ERO1B: variants seen among roughly 807,000 people sequenced by gnomAD.
ERO1B encodes endoplasmic reticulum oxidoreductase 1 beta.
ERO1B carries 49 observed loss-of-function variants against 75.3 expected under a neutral mutation model. That is an observed-to-expected ratio of 0.65 (90% confidence interval 0.52 to 0.83). ERO1B has a LOEUF of 0.83. ERO1B is among the 40% of genes least tolerant of loss of function. The pLI, the probability that ERO1B is intolerant of heterozygous loss-of-function variation, is 0.00. For missense variants in ERO1B, 512 were observed against 560.1 expected (o/e 0.91, Z 0.87); for synonymous variants, 191 against 192.9 (o/e 0.99, Z 0.08).
intron 1 of ERO1B, among the ~76,000 whole-genome samples, chr1:236,271,584 T>G (rs1372428524): frequency 1.3e-5 from 2 of 151,996 alleles, no homozygotes; most frequent in African/African-American, 4.8e-5. Flanking sequence ...AGACTTCAAA[T>G]CATAGCCCCT....
At chr1:236,247,048 CAAAG>C (rs1664901092) in intron 5 of ERO1B, among the ~76,000 whole-genome samples, 1 of 152,088 alleles carries the variant, frequency 6.6e-6, no homozygotes, top group Non-Finnish European at 1.5e-5. Flanking sequence ...AAAAAAATGA[CAAAG>C]AATATAAACT....
intron 7 of ERO1B, 41 bp downstream of exon 7, chr1:236,236,237 C>T: frequency 6.2e-7 from 1 of 1,611,448 alleles, no homozygotes. Context: ...TCTCCCGACC[C>T]TCTATCAGTC....
chr1:236,245,580 ATTT>A (rs71176472), intron 5 of ERO1B, among the ~76,000 whole-genome samples: 1 of 1,484 alleles, frequency 6.7e-4, no homozygotes, highest in African/African-American at 7.7e-4. Context: ...ATATATATAT[ATTT>A]TTTTTTTTTT....
Position 236,264,899 on chromosome 1 carries a change from C to A in ERO1B, c.222+4976G>T, listed in dbSNP as rs576877227. Among the ~76,000 whole-genome samples the A allele has an allele frequency of 9.2e-5, 14 of 152,046 alleles. No individual in the cohort carries two copies. In the East Asian group the frequency reaches 9.7e-4, roughly 10 times the overall value. ...GGGATGAGAAATTTCATAAGGGGTA[C>A]AATGCACACTATCCGGGCGATGGTT... On this transcript the variant is annotated intron_variant, in intron 2 of 15. Coordinates refer to ENST00000354619, the MANE Select transcript of ERO1B (RefSeq NM_019891.4).
intron 1 of ERO1B, among the ~76,000 whole-genome samples, chr1:236,277,330 GGA>G (rs1356523518): frequency 6.6e-6 from 1 of 151,986 alleles, no homozygotes. Flanking sequence ...CTTGAGCCTG[GGA>G]GACAGAGGTT....
chr1:236,230,429 T>A (rs183468238), intron 9 of ERO1B, among the ~76,000 whole-genome samples, 179 bp from the exon 10 acceptor site: 7 of 151,938 alleles, frequency 4.6e-5, no homozygotes, highest in Admixed American at 3.9e-4. Context: ...CTGGCCAACA[T>A]GGCGAAACCC....
At position 236,226,454 on chromosome 1, in the gene ERO1B, A is replaced by T; in HGVS notation, c.867T>A (p.Pro289=). The T allele has an allele frequency of 6.8e-6, 11 of 1,614,166 alleles. No individual in the cohort carries two copies. The highest frequency in any genetic ancestry group is 9.3e-6 in the Non-Finnish European group (11 of 1,180,020). Reference sequence around the variant, plus strand: ...TTGGACCTTCTCCCTTGGTTTCCACAGGGTCAAAGCGGTGTTTGAATTCTT... The same window carrying T: ...TTGGACCTTCTCCCTTGGTTTCCACTGGGTCAAAGCGGTGTTTGAATTCTT... ...NIKEFKHRFD[P]VETKGEGPRR... is the part of the protein sequence containing the mutation. Residue 289 remains proline, a synonymous_variant, in exon 12 of 16, where the codon CCT becomes CCA. Coordinates refer to ENST00000354619, the MANE Select transcript of ERO1B (RefSeq NM_019891.4).
intron 12 of ERO1B, among the ~76,000 whole-genome samples, chr1:236,225,691 T>C (rs1489684505): frequency 1.3e-5 from 2 of 152,188 alleles, no homozygotes; most frequent in Non-Finnish European, 2.9e-5. Flanking sequence ...TCCCAGCACT[T>C]TGGGAGGCAG....
chr1:236,226,187 G>A (rs1664272924), intron 12 of ERO1B, 82 bp downstream of exon 12: 4 of 1,396,130 alleles, frequency 2.9e-6, no homozygotes, highest in African/African-American at 1.4e-5. Context: ...TAACTTTTAG[G>A]AGTCAGTTTT....
intron 1 of ERO1B, among the ~76,000 whole-genome samples, chr1:236,279,491 C>T (rs1490441559): frequency 2.1e-5 from 2 of 94,948 alleles, no homozygotes; most frequent in East Asian, 2.4e-4. Flanking sequence ...TGACACAGAG[C>T]GAGACTCCAT....
At chr1:236,238,552 G>C (rs372184867) in intron 6 of ERO1B, among the ~76,000 whole-genome samples, 1 of 102,232 alleles carries the variant, frequency 9.8e-6, no homozygotes, top group Non-Finnish European at 2.2e-5. Context: ...AAAAAAAAAA[G>C]AAAGTATGGC....
chr1:236,221,936 C>G lies in ERO1B; in HGVS notation c.1197G>C (p.Trp399Cys). The change falls in exon 14 of 16, where the codon TGG becomes TGC. Residue 399 changes from tryptophan to cysteine, a missense_variant. Physicochemically the swap from Trp to Cys is radical, Grantham distance 215. Transcript: ENST00000354619. ...ACAACACATATACCTGTAATTTTCC[C>G]CATAATCTGCATTTGTCACATCCAA... ...DCVGCDKCRL[W>C]GKLQTQGLGT... 4 of 1,613,066 alleles carry G rather than the reference C, an allele frequency of 2.5e-6. No individual in the cohort carries two copies. Among genetic ancestry groups the G allele is most frequent in the Non-Finnish European group, 3.4e-6 (4 of 1,179,260 alleles).
intron 9 of ERO1B, among the ~76,000 whole-genome samples, chr1:236,232,533 C>T (rs1664432866): frequency 6.6e-6 from 1 of 152,132 alleles, no homozygotes; most frequent in African/African-American, 2.4e-5. Flanking sequence ...AACTCCTTCT[C>T]CCCACTTCCT....
At chr1:236,218,903 C>G (rs550040101) in intron 15 of ERO1B, among the ~76,000 whole-genome samples, 1 of 152,202 alleles carries the variant, frequency 6.6e-6, no homozygotes, top group Non-Finnish European at 1.5e-5. Flanking sequence ...GCTCTTTACT[C>G]AATGTTCCCC....
At chr1:236,277,421 A>T (rs926497246) in intron 1 of ERO1B, among the ~76,000 whole-genome samples, 2 of 152,090 alleles carry the variant, frequency 1.3e-5, no homozygotes, top group African/African-American at 4.8e-5. Context: ...AAAAAAAAAA[A>T]AGAATGGACT....
intron 2 of ERO1B, among the ~76,000 whole-genome samples, chr1:236,260,552 C>T (rs1665270554): frequency 6.6e-6 from 1 of 151,880 alleles, no homozygotes; most frequent in Non-Finnish European, 1.5e-5. Context: ...ATAATCCCAG[C>T]TACTCAACAG....
chr1:236,266,917 A>G (rs767801731), intron 2 of ERO1B, among the ~76,000 whole-genome samples: 9 of 152,178 alleles, frequency 5.9e-5, no homozygotes, highest in Non-Finnish European at 1.2e-4. Context: ...TTTAAACTGC[A>G]TGTGTAAGAG....
chr1:236,240,171 C>T (rs1005726833), intron 6 of ERO1B, among the ~76,000 whole-genome samples: 1 of 152,004 alleles, frequency 6.6e-6, no homozygotes. Flanking sequence ...TCCCAAAGTG[C>T]TGGGATTACA....
Position 236,220,709 on chromosome 1 carries a change from G to C in ERO1B, c.1343+123C>G, listed in dbSNP as rs73124997. On this transcript the variant is annotated intron_variant, in intron 15 of 15. Coordinates refer to ENST00000354619, the MANE Select transcript of ERO1B (RefSeq NM_019891.4). ...ATTAAGGCCTCTCTAAGTTAGTACA[G>C]ATACAATATAAAATTTTTTTTTGTC... 71 of 1,000,428 alleles carry C rather than the reference G, an allele frequency of 7.1e-5. No homozygotes were observed. In the African/African-American group the frequency reaches 1.2e-3, roughly 17 times the overall value. The allele number at this position is 1,000,428 out of a possible 1,614,324, so 62.0% of individuals were successfully genotyped here.
Sources: allele counts gnomAD v4.1 joint callset (sites outside exome capture counted in the v4.1 genomes callset), GRCh38; gene constraint gnomAD v4.1.1; transcripts MANE v1.5; gene names NCBI Gene and HGNC (gene_info 2026-07-23, HGNC 2026-07-21).